CHD9: variants seen among roughly 807,000 people sequenced by gnomAD.
The protein encoded by CHD9 is chromodomain helicase DNA binding protein 9.
In CHD9, 77 loss-of-function variants were observed where a neutral mutation model predicts 316.1. The ratio of observed to expected loss-of-function variants is 0.24; its 90% confidence interval spans 0.20 to 0.29. CHD9 has a LOEUF of 0.29. Among genes scored for constraint, CHD9 ranks in the 10% least tolerant of loss-of-function variants. CHD9 has a pLI of 1.00. For missense variants in CHD9, 2,763 were observed against 3,438.1 expected (o/e 0.80, Z 4.91); for synonymous variants, 1,129 against 1,158.3 (o/e 0.97, Z 0.51).
At chr16:53,196,035 G>A (rs563134455) in intron 2 of CHD9, among the ~76,000 whole-genome samples, 6 of 152,212 alleles carry the variant, frequency 3.9e-5, no homozygotes, top group African/African-American at 1.2e-4. Context: ...TGAGATTACA[G>A]GCATGACCCA....
At chr16:53,179,061 A>G (rs1325737267) in intron 2 of CHD9, among the ~76,000 whole-genome samples, 1 of 152,198 alleles carries the variant, frequency 6.6e-6, no homozygotes, top group Non-Finnish European at 1.5e-5. Context: ...TTATGAATAC[A>G]TATATGTGAA....
intron 1 of CHD9, among the ~76,000 whole-genome samples, chr16:53,155,445 C>T (rs1007802107): frequency 5.9e-5 from 9 of 152,102 alleles, no homozygotes; most frequent in Non-Finnish European, 1.0e-4. Context: ...TGGTCTCAAA[C>T]GATCCTCCTT....
At chr16:53,125,251 TCTCA>T (rs1191406219) in intron 1 of CHD9, among the ~76,000 whole-genome samples, 1 of 125,458 alleles carries the variant, frequency 8.0e-6, no homozygotes, top group Non-Finnish European at 1.6e-5. Context: ...TGAGATGGAG[TCTCA>T]CTCTGTCACT....
intron 33 of CHD9, 107 bp downstream of exon 33, chr16:53,308,060 T>C (rs998535286): frequency 5.4e-6 from 5 of 933,016 alleles, no homozygotes; most frequent in Non-Finnish European, 6.3e-6. Flanking sequence ...CACATACCTG[T>C]TTCTTGGTAT....
chr16:53,314,467 TAGA>T lies in CHD9; in HGVS notation c.7316_7318del (p.Glu2439del), dbSNP rs1211068952. On this transcript the variant is annotated inframe_deletion, in exon 35 of 39. Coordinates refer to ENST00000447540, the MANE Select transcript of CHD9 (RefSeq NM_001308319.2). ...AAAAGGCGAGGAAGGAGGAAGAATG[TAGA>T]AGGTGTTGACATCTTCTTTTTTAAC... is the stretch of plus-strand genomic sequence containing the variant. 1.3e-6 allele frequency: 2 copies of T among 1,583,430 alleles called. No homozygotes were observed. Among genetic ancestry groups the T allele is most frequent in the African/African-American group, 2.7e-5 (2 of 74,346 alleles).
At position 53,235,167 on chromosome 16, in the gene CHD9, C is replaced by G. The variant is rs753905904; in HGVS notation, c.2512-18C>G. 1.6e-5 allele frequency: 24 copies of G among 1,547,582 alleles called. No individual in the cohort carries two copies. The highest frequency in any genetic ancestry group is 2.0e-5 in the Non-Finnish European group (23 of 1,144,860). ...ATGGAAGATTTAAACACCATTCATT[C>G]TTTGTTTTTCCACAAAGGACCGTCC... On this transcript the variant is annotated intron_variant, in intron 10 of 38. Coordinates refer to ENST00000447540, the MANE Select transcript of CHD9 (RefSeq NM_001308319.2).
intron 4 of CHD9, among the ~76,000 whole-genome samples, chr16:53,225,143 A>C (rs1274785088): frequency 6.6e-6 from 1 of 152,160 alleles, no homozygotes; most frequent in Admixed American, 6.5e-5. Context: ...ACCACACTGT[A>C]GCAGTGACTC....
At chr16:53,093,499 C>G (rs932916075) in intron 1 of CHD9, among the ~76,000 whole-genome samples, 2 of 152,164 alleles carry the variant, frequency 1.3e-5, no homozygotes, top group African/African-American at 4.8e-5. Context: ...TTATTGAGCA[C>G]CTGCTATGTG....
At chr16:53,114,733 G>A (rs76030756) in intron 1 of CHD9, among the ~76,000 whole-genome samples, 26 of 151,994 alleles carry the variant, frequency 1.7e-4, no homozygotes, top group Non-Finnish European at 2.9e-5. Context: ...GACTACAGGC[G>A]CCTGCCACCA....
chr16:53,183,549 A>C (rs2043713149), intron 2 of CHD9, among the ~76,000 whole-genome samples: 1 of 152,230 alleles, frequency 6.6e-6, no homozygotes, highest in South Asian at 2.1e-4. Context: ...CTGTCTTAAA[A>C]ATGTTATATA....
chr16:53,294,866 C>T (rs1448975054), intron 29 of CHD9, among the ~76,000 whole-genome samples: 6 of 152,180 alleles, frequency 3.9e-5, no homozygotes, highest in Non-Finnish European at 8.8e-5. Flanking sequence ...TTAGTTTTAT[C>T]ATAACATTTG....
chr16:53,242,705 T>G lies in CHD9; in HGVS notation c.2878-135T>G, dbSNP rs895624489. 78 of 698,662 alleles carry G rather than the reference T, an allele frequency of 1.1e-4. 1 individual carries two copies. In the South Asian group the frequency reaches 1.3e-3, roughly 12 times the overall value. 43.3% of individuals were successfully genotyped at this position (698,662 alleles called of 1,614,324 possible). On this transcript the variant is annotated intron_variant, in intron 12 of 38. Transcript: ENST00000447540. Reference sequence around the variant, plus strand: ...CAGTTTCAATGATAAAAGTTTTCATTGTAAGGGAGTGTCTGCATATGTAAA... The same window carrying G: ...CAGTTTCAATGATAAAAGTTTTCATGGTAAGGGAGTGTCTGCATATGTAAA...
At chr16:53,117,048 GAACA>G (rs1355739178) in intron 1 of CHD9, among the ~76,000 whole-genome samples, 1 of 152,088 alleles carries the variant, frequency 6.6e-6, no homozygotes, top group East Asian at 1.9e-4. Context: ...ACAGGGAGAG[GAACA>G]TCACACACTG....
At chr16:53,149,986 A>G (rs547624477) in intron 1 of CHD9, among the ~76,000 whole-genome samples, 2 of 152,016 alleles carry the variant, frequency 1.3e-5, no homozygotes, top group East Asian at 3.9e-4. Flanking sequence ...GTGACTTTGT[A>G]TTTAGAGGGA....
chr16:53,250,226 G>T, intron 17 of CHD9, 160 bp downstream of exon 17: 1 of 605,118 alleles, frequency 1.7e-6, no homozygotes, highest in African/African-American at 1.9e-5. Context: ...TATTTTAATT[G>T]TTATGATAAA....
chr16:53,286,494 T>G lies in CHD9; in HGVS notation c.5189+151T>G, dbSNP rs574466083. On this transcript the variant is annotated intron_variant, in intron 26 of 38. Coordinates refer to ENST00000447540, the MANE Select transcript of CHD9 (RefSeq NM_001308319.2). The stretch of plus-strand genomic sequence containing the variant: ...AAGAGCTAAAGATACCCTAATAGGT[T>G]AGCACTTATCCAACAGAATGTGATC... Among the ~76,000 whole-genome samples the G allele has an allele frequency of 5.9e-5, 9 of 152,338 alleles. No individual in the cohort carries two copies. The South Asian group carries it at 1.7e-3, about 28-fold the overall frequency.
At chr16:53,253,628 T>C (rs2050313785) in intron 17 of CHD9, among the ~76,000 whole-genome samples, 1 of 152,042 alleles carries the variant, frequency 6.6e-6, no homozygotes, top group Non-Finnish European at 1.5e-5. Flanking sequence ...TTGAAAAGAT[T>C]GTTGATAATG....
At chr16:53,070,139 T>C (rs1457472709) in intron 1 of CHD9, among the ~76,000 whole-genome samples, 1 of 152,226 alleles carries the variant, frequency 6.6e-6, no homozygotes, top group Non-Finnish European at 1.5e-5. Flanking sequence ...TGTGGGGTTC[T>C]TTATCTATTT....
chr16:53,111,132 A>G (rs2037833504), intron 1 of CHD9, among the ~76,000 whole-genome samples: 3 of 152,188 alleles, frequency 2.0e-5, no homozygotes, highest in African/African-American at 7.2e-5. Flanking sequence ...TGGTTGTCCC[A>G]CAAACTCACT....
Sources: gnomAD v4.1 joint callset for allele counts (sites outside exome capture counted in the v4.1 genomes callset) on GRCh38, gnomAD v4.1.1 for gene constraint, MANE v1.5 for transcripts, NCBI Gene and HGNC (gene_info 2026-07-23, HGNC 2026-07-21) for gene names.